RNF34: variants seen among roughly 807,000 people sequenced by gnomAD.
The protein encoded by RNF34 is ring finger protein 34.
RNF34 carries 12 observed loss-of-function variants against 37.9 expected under a neutral mutation model. The observed-to-expected ratio is 0.32, with a 90% CI of 0.20 to 0.51. The LOEUF is 0.51. RNF34 is among the 20% of genes least tolerant of loss of function. RNF34 has a pLI of 0.97. For missense variants in RNF34, 362 were observed against 472.7 expected, an observed-to-expected ratio of 0.77 and a Z score of 2.17; for synonymous variants, 155 against 177.2, an observed-to-expected ratio of 0.87 and a Z score of 1.00.
At chr12:121,406,689 G>A (rs1870571252) in intron 1 of RNF34, among the ~76,000 whole-genome samples, 1 of 152,194 alleles carries the variant, frequency 6.6e-6, no homozygotes, top group Non-Finnish European at 1.5e-5. Context: ...GCTTAAGAGA[G>A]TGGGTAGGAA....
At chr12:121,400,620 G>T (rs911340216) in intron 1 of RNF34, among the ~76,000 whole-genome samples, 5 of 152,200 alleles carry the variant, frequency 3.3e-5, no homozygotes, top group Non-Finnish European at 1.5e-5. Context: ...CAAGTGTTGG[G>T]GACATCGTGG....
In RNF34 at chr12:121,420,292, T is replaced by C. The variant is rs782718487; in HGVS notation, c.684T>C (p.Asp228=). Residue 228 remains aspartate (D), a synonymous_variant, in exon 4 of 6, where the codon GAT becomes GAC. Transcript: ENST00000361234. ...SANTEDDDDD[D]DEDDDDEEEN... ...ACACAGAAGATGATGATGACGACGA[T>C]GATGAGGATGATGATGATGAAGAAG... 2.7e-5 allele frequency: 43 copies of C among 1,588,008 alleles called. No individual in the cohort carries two copies. The highest frequency in any genetic ancestry group is 9.1e-5 in the South Asian group (8 of 88,046).
At chr12:121,410,042 C>A (rs1372151890) in intron 1 of RNF34, among the ~76,000 whole-genome samples, 2 of 152,008 alleles carry the variant, frequency 1.3e-5, no homozygotes, top group African/African-American at 4.8e-5. Context: ...GTAATCCCAG[C>A]TACTAGGAGG....
At position 121,417,375 on chromosome 12, in the gene RNF34, G is replaced by A. The variant is rs11610134; in HGVS notation, c.226-129G>A. 1.4e-6 allele frequency: 1 copy of A among 726,400 alleles called. No individual in the cohort carries two copies. The highest frequency in any genetic ancestry group is 2.2e-6 in the Non-Finnish European group (1 of 449,094). The allele number at this position is 726,400 out of a possible 1,614,324, so 45.0% of individuals were successfully genotyped here. On this transcript the variant is annotated intron_variant, in intron 2 of 5. Transcript: ENST00000361234. This position sits in a 1 kb window ranked among gnomAD's most constrained non-coding sequence, Gnocchi z 5.0. ...GCTTTTGAAACATGAAAATACCTCT[G>A]GAAATAGTCTGGTGCCACTGGGGAC...
At chr12:121,400,271 G>C in intron 1 of RNF34, 53 bp downstream of exon 1, 1 of 1,593,774 alleles carries the variant, frequency 6.3e-7, no homozygotes, top group Non-Finnish European at 8.5e-7. Flanking sequence ...TATCCTGCCA[G>C]GGCACCTGAA....
At chr12:121,419,640 CAAAAG>C (rs1235221071) in intron 3 of RNF34, among the ~76,000 whole-genome samples, 1 of 152,024 alleles carries the variant, frequency 6.6e-6, no homozygotes, top group African/African-American at 2.4e-5. Context: ...CAAATATAGT[CAAAAG>C]AAAATATGTG....
At chr12:121,404,409 T>C (rs1214653350) in intron 1 of RNF34, among the ~76,000 whole-genome samples, 1 of 143,892 alleles carries the variant, frequency 6.9e-6, no homozygotes, top group East Asian at 2.0e-4. Flanking sequence ...TTTTTTTTTT[T>C]TTTGAGATGG....
Position 121,420,260 on chromosome 12 carries a change from TCAG to T in RNF34, c.655_657del (p.Ala219del). Reference sequence around the variant, plus strand: ...AGTGTAGGTACAAAGTGAAATCACTTCAGCAAACACAGAAGATGATGATGACGA... The same window carrying T: ...AGTGTAGGTACAAAGTGAAATCACTTCAAACACAGAAGATGATGATGACGA... On this transcript the variant is annotated inframe_deletion, in exon 4 of 6. Coordinates refer to ENST00000361234, the MANE Select transcript of RNF34 (RefSeq NM_025126.4). 6.2e-7 allele frequency: 1 copy of T among 1,607,308 alleles called. No homozygotes were observed. Among genetic ancestry groups the T allele is most frequent in the Non-Finnish European group, 8.5e-7 (1 of 1,175,632 alleles).
At chr12:121,418,765 G>A (rs1306036864) in intron 3 of RNF34, 2 of 152,152 alleles carry the variant, frequency 1.3e-5, no homozygotes, top group Non-Finnish European at 2.9e-5. Flanking sequence ...CTGTTGCCCA[G>A]GCTAGAGTGA....
At chr12:121,420,124 C>T (rs1312174337) in intron 3 of RNF34, 118 bp from the exon 4 acceptor site, 8 of 914,800 alleles carry the variant, frequency 8.7e-6, no homozygotes, top group Non-Finnish European at 1.4e-5. Context: ...ATTCTGAATC[C>T]AAAGATGTGC....
chr12:121,414,767 A>T (rs1392274488), intron 1 of RNF34, among the ~76,000 whole-genome samples: 5 of 150,730 alleles, frequency 3.3e-5, no homozygotes, highest in Non-Finnish European at 5.9e-5. Context: ...CCGCCTCCCG[A>T]ATTCAAGCAA....
chr12:121,415,415 ATC>A, intron 1 of RNF34: 1 of 227,856 alleles, frequency 4.4e-6, no homozygotes, highest in South Asian at 4.8e-5. Context: ...GAGGCCACGC[ATC>A]TGAGACCAGC....
rs370848382 is a variant in RNF34 at position 121,423,535 on chromosome 12, C to T, written c.1078C>T (p.Arg360Trp). Residue 360 changes from arginine (R) to tryptophan (W), a missense_variant, in exon 6 of 6, where the codon CGG becomes TGG. Transcript: ENST00000361234. The surrounding 1 kb of genome is among the most constrained non-coding windows in gnomAD (Gnocchi z 4.3). ...GKRMSECPIC[R>W]QYVVRAVHVF... Reference sequence around the variant, plus strand: ...GCGCATGAGTGAGTGTCCCATCTGCCGGCAGTATGTGGTGCGAGCCGTGCA... The same window carrying T: ...GCGCATGAGTGAGTGTCCCATCTGCTGGCAGTATGTGGTGCGAGCCGTGCA... 4.3e-6 allele frequency: 7 copies of T among 1,614,002 alleles called. No individual in the cohort carries two copies. The highest frequency in any genetic ancestry group is 1.3e-5 in the African/African-American group (1 of 74,940).
chr12:121,415,782 A>G (rs1555282067), intron 1 of RNF34, among the ~76,000 whole-genome samples: 3 of 151,602 alleles, frequency 2.0e-5, no homozygotes, highest in African/African-American at 7.3e-5. Context: ...GATGAAAAAC[A>G]AAGAATTTTT....
At chr12:121,413,932 T>A (rs369125307) in intron 1 of RNF34, among the ~76,000 whole-genome samples, 1 of 152,184 alleles carries the variant, frequency 6.6e-6, no homozygotes, top group Non-Finnish European at 1.5e-5. Context: ...TGAAGACTTA[T>A]AATATTGAAA....
chr12:121,416,656 A>G (rs1441104429), intron 2 of RNF34: 2 of 288,192 alleles, frequency 6.9e-6, no homozygotes, highest in African/African-American at 4.5e-5. Flanking sequence ...AAAGCAAGAA[A>G]TTTGTTAGTC....
At chr12:121,400,446 G>A (rs1869866480) in intron 1 of RNF34, among the ~76,000 whole-genome samples, 1 of 152,210 alleles carries the variant, frequency 6.6e-6, no homozygotes, top group Non-Finnish European at 1.5e-5. Context: ...CCGAGCGGTG[G>A]GGAGAAGCCG....
chr12:121,403,811 G>A (rs1485672533), intron 1 of RNF34, among the ~76,000 whole-genome samples: 10 of 152,084 alleles, frequency 6.6e-5, no homozygotes, highest in Non-Finnish European at 1.5e-4. Flanking sequence ...TGGCAAGCAA[G>A]GTAGACGCTT....
intron 1 of RNF34, among the ~76,000 whole-genome samples, chr12:121,404,083 C>G (rs1004550714): frequency 1.5e-4 from 22 of 150,988 alleles, no homozygotes; most frequent in Middle Eastern, 3.4e-3. Flanking sequence ...GGCACGATCT[C>G]AGCTCACTGC....
Sources: allele counts gnomAD v4.1 joint callset (sites outside exome capture counted in the v4.1 genomes callset), GRCh38; gene constraint gnomAD v4.1.1; non-coding constraint Gnocchi (gnomAD v3.1); transcripts MANE v1.5; gene names NCBI Gene and HGNC (gene_info 2026-07-23, HGNC 2026-07-21).